PDE3A: variants seen among roughly 807,000 people sequenced by gnomAD.
PDE3A encodes the protein cGMP-inhibited 3',5'-cyclic phosphodiesterase 3A.
PDE3A carries 43 observed loss-of-function variants against 98.3 expected under a neutral mutation model. The observed-to-expected ratio is 0.44, with a 90% CI of 0.34 to 0.56. The LOEUF (loss-of-function observed/expected upper bound fraction) is 0.56, where lower values mean the gene tolerates loss of function less well. Ranked by LOEUF, PDE3A falls within the 20% of genes least tolerant of loss-of-function variation. The pLI, the probability that PDE3A is intolerant of heterozygous loss-of-function variation, is 0.01. For synonymous variants in PDE3A, 663 were observed against 567.9 expected (o/e 1.17, Z -2.38); for missense variants, 1,427 against 1,440.7 (o/e 0.99, Z 0.15).
At chr12:20,399,418 C>T (rs1250448424) in intron 1 of PDE3A, among the ~76,000 whole-genome samples, 1 of 152,136 alleles carries the variant, frequency 6.6e-6, no homozygotes, top group Admixed American at 6.6e-5. Flanking sequence ...AGAACACCTT[C>T]TTAAACTGAT....
At chr12:20,543,175 T>C (rs1941964048) in intron 1 of PDE3A, among the ~76,000 whole-genome samples, 1 of 152,008 alleles carries the variant, frequency 6.6e-6, no homozygotes, top group Admixed American at 6.6e-5. Context: ...TTGTTTTGTC[T>C]ACTCAGAACC....
intron 1 of PDE3A, among the ~76,000 whole-genome samples, chr12:20,435,896 C>T (rs1271866345): frequency 1.3e-5 from 2 of 152,084 alleles, no homozygotes; most frequent in Non-Finnish European, 2.9e-5. Context: ...CCCCATCCCA[C>T]CCCTGCTTTT....
intron 1 of PDE3A, among the ~76,000 whole-genome samples, chr12:20,383,306 A>T (rs1424935321): frequency 6.6e-6 from 1 of 151,888 alleles, no homozygotes; most frequent in Non-Finnish European, 1.5e-5. Flanking sequence ...TTCATTTTTC[A>T]TGGTAAAATA....
rs940239297 is a variant in PDE3A at position 20,688,397 on chromosome 12, T to C, written c.*8126T>C. Among the ~76,000 whole-genome samples the C allele has an allele frequency of 6.6e-6, 1 of 151,736 alleles. No individual in the cohort carries two copies. Among genetic ancestry groups the C allele is most frequent in the Admixed American group, 6.6e-5 (1 of 15,194 alleles). On this transcript the variant is annotated 3_prime_UTR_variant, in exon 16 of 16. Coordinates refer to ENST00000359062, the MANE Select transcript of PDE3A (RefSeq NM_000921.5). ...CAATTGTATTTATTTTTATTATTTT[T>C]TAGCTTAGATACTATGTTGATGCTC...
At chr12:20,661,161 C>T (rs964669263) in intron 15 of PDE3A, among the ~76,000 whole-genome samples, 4 of 152,150 alleles carry the variant, frequency 2.6e-5, no homozygotes, top group Admixed American at 6.5e-5. Context: ...AGACTGGCAG[C>T]ATTATCCCCC....
Position 20,490,974 on chromosome 12 carries a change from G to A in PDE3A, c.961-65686G>A, listed in dbSNP as rs543725997. Among the ~76,000 whole-genome samples the A allele has an allele frequency of 3.3e-5, 5 of 152,236 alleles. No individual in the cohort carries two copies. The South Asian group carries it at 8.3e-4, about 25-fold the overall frequency. On this transcript the variant is annotated intron_variant, in intron 1 of 15. Transcript: ENST00000359062. ...AAATTAGCCAGATATGACGGTATGT[G>A]CCTGTAGTCCTAGCTACTCAGGAGG...
At chr12:20,409,594 A>T (rs1944297102) in intron 1 of PDE3A, among the ~76,000 whole-genome samples, 1 of 152,182 alleles carries the variant, frequency 6.6e-6, no homozygotes, top group Admixed American at 6.5e-5. Context: ...AAAAATAGTG[A>T]TCTTACGAAA....
At position 20,667,856 on chromosome 12, in the gene PDE3A, C is replaced by T. The variant is rs569173726; in HGVS notation, c.3185-12174C>T. ...ATTGCGGGGGAGGAGCCAAGATGGC[C>T]GAACAGGAACAGCTCCGGTCTACAG... On this transcript the variant is annotated intron_variant, in intron 15 of 15. Transcript: ENST00000359062. Among the ~76,000 whole-genome samples the T allele has an allele frequency of 6.6e-5, 10 of 152,162 alleles. No individual in the cohort carries two copies. The East Asian group carries it at 1.2e-3, about 18-fold the overall frequency.
chr12:20,373,207 A>G (rs1307032255), intron 1 of PDE3A, among the ~76,000 whole-genome samples: 2 of 152,036 alleles, frequency 1.3e-5, no homozygotes, highest in East Asian at 1.9e-4. Flanking sequence ...AGTGTCCGCA[A>G]TACTGAGGCT....
intron 15 of PDE3A, among the ~76,000 whole-genome samples, chr12:20,657,332 A>G (rs777023677): frequency 2.6e-5 from 4 of 152,170 alleles, no homozygotes; most frequent in Admixed American, 6.5e-5. Context: ...TTTAACTTCA[A>G]TGCTTTTGGC....
intron 1 of PDE3A, among the ~76,000 whole-genome samples, chr12:20,512,009 A>G (rs1422474584): frequency 5.9e-5 from 9 of 152,112 alleles, no homozygotes; most frequent in Non-Finnish European, 1.3e-4. Flanking sequence ...CTAGCATTAA[A>G]AATGTAAAAG....
In PDE3A at chr12:20,660,653, T is replaced by C. The variant is rs1267045556; in HGVS notation, c.3184+6448T>C. On this transcript the variant is annotated intron_variant, in intron 15 of 15. Transcript: ENST00000359062. ...TAAGTCTCACAAGATCTAATGGTTT[T>C]AAAAAGAGGAGTTCCTTTGCACAAG... Among the ~76,000 whole-genome samples the C allele has an allele frequency of 2.6e-5, 4 of 152,196 alleles. No homozygotes were observed. The East Asian group carries it at 7.7e-4, about 29-fold the overall frequency.
At chr12:20,454,683 G>T (rs371195205) in intron 1 of PDE3A, among the ~76,000 whole-genome samples, 2,864 of 152,154 alleles carry the variant, frequency 0.019, 47 homozygotes, top group Middle Eastern at 0.088. Flanking sequence ...GTGTCCATGT[G>T]TTCTCATCAT....
intron 1 of PDE3A, among the ~76,000 whole-genome samples, chr12:20,469,600 C>T (rs186282964): frequency 4.6e-4 from 70 of 152,252 alleles, no homozygotes; most frequent in Non-Finnish European, 8.2e-4. Flanking sequence ...CCTATGTTGT[C>T]GATAATAATT....
At chr12:20,662,390 C>T (rs1014732767) in intron 15 of PDE3A, among the ~76,000 whole-genome samples, 1 of 152,196 alleles carries the variant, frequency 6.6e-6, no homozygotes, top group Non-Finnish European at 1.5e-5. Context: ...TGCAGAGCCA[C>T]AGGGGCAAAG....
intron 9 of PDE3A, among the ~76,000 whole-genome samples, chr12:20,638,665 T>G (rs1345852442): frequency 6.6e-6 from 1 of 152,144 alleles, no homozygotes; most frequent in African/African-American, 2.4e-5. Flanking sequence ...GGGAGTGATC[T>G]TTCCTGCAAA....
chr12:20,668,554 C>A (rs189385012), intron 15 of PDE3A, among the ~76,000 whole-genome samples: 3 of 152,196 alleles, frequency 2.0e-5, no homozygotes, highest in Non-Finnish European at 4.4e-5. Flanking sequence ...GACCCCTGAG[C>A]AGCCTAACTG....
chr12:20,414,250 T>C (rs969902114), intron 1 of PDE3A, among the ~76,000 whole-genome samples: 1 of 152,150 alleles, frequency 6.6e-6, no homozygotes, highest in African/African-American at 2.4e-5. Context: ...ACAAAATATA[T>C]TGGGAGCTTG....
intron 1 of PDE3A, among the ~76,000 whole-genome samples, chr12:20,485,306 A>G (rs1396951599): frequency 6.6e-6 from 1 of 151,054 alleles, no homozygotes; most frequent in Non-Finnish European, 1.5e-5. Flanking sequence ...TCTGAATCCA[A>G]ATTTCTTTTT....
Sources: allele counts gnomAD v4.1 joint callset (sites outside exome capture counted in the v4.1 genomes callset), GRCh38; gene constraint gnomAD v4.1.1; transcripts MANE v1.5; gene names NCBI Gene and HGNC (gene_info 2026-07-23, HGNC 2026-07-21).